The following LUZP2 variants were observed in gnomAD, a reference collection of about 807,000 sequenced individuals.
The protein encoded by LUZP2 is leucine zipper protein 2.
A neutral mutation model predicts 51.6 loss-of-function variants in LUZP2; 52 were observed. The observed-to-expected ratio is 1.01, with a 90% CI of 0.81 to 1.27. The LOEUF (loss-of-function observed/expected upper bound fraction) is 1.27. Among genes scored for constraint, LUZP2 ranks in the 50% most tolerant of loss-of-function variants. LUZP2 has a pLI of 0.00. For missense variants in LUZP2, 436 were observed against 395.4 expected (o/e 1.10, Z -0.87); for synonymous variants, 154 against 137.3 (o/e 1.12, Z -0.85).
chr11:24,607,642 CA>C (rs1434221799), intron 1 of LUZP2, among the ~76,000 whole-genome samples: 1 of 151,882 alleles, frequency 6.6e-6, no homozygotes, highest in African/African-American at 2.4e-5. Flanking sequence ...TGATTCCATA[CA>C]AAGTTTAGGA....
intron 5 of LUZP2, among the ~76,000 whole-genome samples, chr11:24,844,030 G>A (rs1851119849): frequency 6.6e-6 from 1 of 152,112 alleles, no homozygotes; most frequent in South Asian, 2.1e-4. Flanking sequence ...CCAGTAGAGT[G>A]GGGCATTGCT....
chr11:24,998,806 C>T (rs553294952), intron 9 of LUZP2, among the ~76,000 whole-genome samples: 3 of 152,254 alleles, frequency 2.0e-5, no homozygotes, highest in Non-Finnish European at 4.4e-5. Flanking sequence ...AAAAGACTCA[C>T]CTTTCATTTT....
At chr11:24,608,716 C>G (rs1307375249) in intron 1 of LUZP2, among the ~76,000 whole-genome samples, 1 of 152,022 alleles carries the variant, frequency 6.6e-6, no homozygotes, top group Non-Finnish European at 1.5e-5. Context: ...CTTTTGTGAA[C>G]CTTGTTCAAC....
intron 1 of LUZP2, among the ~76,000 whole-genome samples, chr11:24,664,686 C>T (rs1856152840): frequency 6.6e-6 from 1 of 152,188 alleles, no homozygotes; most frequent in Non-Finnish European, 1.5e-5. Flanking sequence ...GGCCAACATA[C>T]AGCTTACATC....
At chr11:24,513,598 T>C (rs1850377009) in intron 1 of LUZP2, among the ~76,000 whole-genome samples, 1 of 152,220 alleles carries the variant, frequency 6.6e-6, no homozygotes. Context: ...ATATAATACG[T>C]GACTCATATG....
intron 1 of LUZP2, among the ~76,000 whole-genome samples, chr11:24,582,114 T>A (rs994225404): frequency 6.6e-6 from 1 of 152,182 alleles, no homozygotes; most frequent in Admixed American, 6.5e-5. Context: ...TCATAAAGAA[T>A]AAGCAAGTTC....
At chr11:24,833,421 A>G (rs1850756375) in intron 5 of LUZP2, among the ~76,000 whole-genome samples, 1 of 152,132 alleles carries the variant, frequency 6.6e-6, no homozygotes, top group South Asian at 2.1e-4. Flanking sequence ...TTGGAAAAAT[A>G]TTCGTGCATT....
chr11:25,049,655 T>G (rs1281180412), intron 9 of LUZP2, among the ~76,000 whole-genome samples: 1 of 152,040 alleles, frequency 6.6e-6, no homozygotes, highest in Non-Finnish European at 1.5e-5. Context: ...TATTTTCTTA[T>G]TCACATATTA....
intron 1 of LUZP2, among the ~76,000 whole-genome samples, chr11:24,610,323 C>G (rs941861548): frequency 6.6e-6 from 1 of 152,076 alleles, no homozygotes; most frequent in African/African-American, 2.4e-5. Context: ...AACATTATGA[C>G]ACATGCAAAG....
At chr11:24,751,162 T>G (rs749117206) in intron 4 of LUZP2, among the ~76,000 whole-genome samples, 4 of 152,116 alleles carry the variant, frequency 2.6e-5, no homozygotes, top group Non-Finnish European at 5.9e-5. Flanking sequence ...TGCTAACTCA[T>G]TCCCCCAAAT....
At chr11:24,957,947 T>G (rs1855258598) in intron 7 of LUZP2, among the ~76,000 whole-genome samples, 1 of 152,144 alleles carries the variant, frequency 6.6e-6, no homozygotes, top group African/African-American at 2.4e-5. Flanking sequence ...TTCCCCTTCC[T>G]GTGTCCATGT....
In LUZP2 at chr11:24,633,958, G is replaced by GTATATATATATATA. The variant is rs534303582; in HGVS notation, c.63-95210_63-95209insATATATATATATAT. Among the ~76,000 whole-genome samples the GTATATATATATATA allele has an allele frequency of 7.4e-3, 1,003 of 134,952 alleles. 7 individuals are homozygous for GTATATATATATATA. Among genetic ancestry groups the GTATATATATATATA allele is most frequent in the Non-Finnish European group, 0.011 (664 of 61,108 alleles). The allele number at this position is 134,952 out of a possible 152,430, so 88.5% of individuals were successfully genotyped here. On this transcript the variant is annotated intron_variant, in intron 1 of 11. Transcript: ENST00000336930. The stretch of plus-strand genomic sequence containing the variant: ...AACACACGTGTGTGTGTGTGTGTGT[G>GTATATATATATATA]TGTGTGTATATATAGTCTGTCTATT...
At chr11:24,700,417 T>C (rs1477702797) in intron 1 of LUZP2, among the ~76,000 whole-genome samples, 2 of 152,176 alleles carry the variant, frequency 1.3e-5, no homozygotes, top group East Asian at 3.9e-4. Flanking sequence ...TTAGTGATAC[T>C]TTCCTAGACC....
intron 9 of LUZP2, among the ~76,000 whole-genome samples, chr11:25,025,858 G>A (rs1214530729): frequency 6.6e-6 from 1 of 152,086 alleles, no homozygotes; most frequent in Non-Finnish European, 1.5e-5. Context: ...GTTTATTGTG[G>A]CACTATTCAC....
intron 4 of LUZP2, among the ~76,000 whole-genome samples, chr11:24,750,739 A>G (rs1036272697): frequency 6.6e-6 from 1 of 152,170 alleles, no homozygotes; most frequent in East Asian, 1.9e-4. Context: ...CATGCCTACT[A>G]GAACCATTAT....
At chr11:24,725,310 A>T (rs1293071602) in intron 1 of LUZP2, among the ~76,000 whole-genome samples, 15 of 152,190 alleles carry the variant, frequency 9.9e-5, no homozygotes, top group Admixed American at 9.8e-4. Flanking sequence ...TTACATCAAA[A>T]AGTGCCATAT....
At chr11:24,726,303 A>C (rs565421023) in intron 1 of LUZP2, among the ~76,000 whole-genome samples, 4 of 152,076 alleles carry the variant, frequency 2.6e-5, no homozygotes, top group Non-Finnish European at 4.4e-5. Context: ...AAGGGAGATA[A>C]GACAGTCTGG....
chr11:24,682,357 C>T (rs754230120), intron 1 of LUZP2, among the ~76,000 whole-genome samples: 26 of 151,226 alleles, frequency 1.7e-4, no homozygotes, highest in African/African-American at 5.1e-4. Context: ...TAGCCGGCTA[C>T]GGTGGCAAGT....
chr11:24,892,252 G>C, intron 5 of LUZP2: 1 of 985,418 alleles, frequency 1.0e-6, no homozygotes, highest in Non-Finnish European at 1.2e-6. Flanking sequence ...TTATCCTGAT[G>C]TGGCTGTGAA....
Sources: gnomAD v4.1 joint callset for allele counts (sites outside exome capture counted in the v4.1 genomes callset) on GRCh38, gnomAD v4.1.1 for gene constraint, MANE v1.5 for transcripts, NCBI Gene and HGNC (gene_info 2026-07-23, HGNC 2026-07-21) for gene names.